ZBTB32: variants seen among roughly 807,000 people sequenced by gnomAD.
The protein encoded by ZBTB32 is zinc finger and BTB domain containing 32, also known as zinc finger and BTB domain-containing protein 32.
Under a neutral mutation model 45.3 loss-of-function variants are expected in ZBTB32, and 28 were observed. The ratio of observed to expected loss-of-function variants is 0.62; its 90% CI spans 0.46 to 0.85. The LOEUF is 0.85. Among genes scored for constraint, ZBTB32 ranks in the 40% least tolerant of loss-of-function variants. The probability of loss-of-function intolerance (pLI) is 0.00; values close to 1 mark genes in which losing one functional copy is unlikely to be tolerated. For missense variants in ZBTB32, 587 were observed against 624.4 expected, an observed-to-expected ratio of 0.94 and a Z score of 0.64; for synonymous variants, 283 against 255.7, an observed-to-expected ratio of 1.11 and a Z score of -1.02.
chr19:35,706,134 A>G (rs1359222515), intron 1 of ZBTB32, among the ~76,000 whole-genome samples: 2 of 151,460 alleles, frequency 1.3e-5, no homozygotes, highest in Non-Finnish European at 2.9e-5. Context: ...AGGCTGAGGC[A>G]GGAGAATCGC....
intron 1 of ZBTB32, among the ~76,000 whole-genome samples, chr19:35,711,997 T>A (rs997168657): frequency 8.0e-6 from 1 of 124,554 alleles, no homozygotes; most frequent in African/African-American, 3.2e-5. Context: ...TGCACTCCAG[T>A]CTGGGAGACA....
Position 35,715,396 on chromosome 19 carries a change from G to A in ZBTB32, c.770G>A (p.Gly257Glu). 1 of 1,611,692 alleles carries A rather than the reference G, an allele frequency of 6.2e-7. No homozygotes were observed. The highest frequency in any genetic ancestry group is 8.5e-7 in the Non-Finnish European group (1 of 1,179,224). The change falls in exon 3 of 7, where the codon GGG becomes GAG. Residue 257 changes from glycine (G) to glutamate (E), a missense_variant. Physicochemically the swap from Gly to Glu is moderately conservative, Grantham distance 98 (BLOSUM62 -2). Transcript: ENST00000392197. Reference protein sequence around the residue: ...PSWAEAPWLVGGQPALWSILL... With the variant: ...PSWAEAPWLVEGQPALWSILL... ...TGGGCTGAGGCCCCTTGGTTGGTGGGGGGCCAGCCTGCCCTGTGGAGCATC... is the reference window on the plus strand; with the variant it reads ...TGGGCTGAGGCCCCTTGGTTGGTGGAGGGCCAGCCTGCCCTGTGGAGCATC...
chr19:35,706,818 C>G (rs1369006825), intron 1 of ZBTB32, among the ~76,000 whole-genome samples: 1 of 152,220 alleles, frequency 6.6e-6, no homozygotes, highest in African/African-American at 2.4e-5. Context: ...TACCTAGTTT[C>G]ATTCAGCTGT....
At chr19:35,711,048 C>T (rs188395506) in intron 1 of ZBTB32, among the ~76,000 whole-genome samples, 2 of 152,120 alleles carry the variant, frequency 1.3e-5, no homozygotes, top group African/African-American at 4.8e-5. Flanking sequence ...TTAGGTTCCC[C>T]GAAAGCCCAC....
rs116844567 is a variant in ZBTB32, at chr19:35,709,567, C to T, written c.-221-3350C>T. Among the ~76,000 whole-genome samples, 1,067 of 152,228 alleles carry T rather than the reference C, an allele frequency of 7.0e-3. 43 individuals carry two copies. In the South Asian group the frequency reaches 0.094, roughly 13 times the overall value. Reference sequence around the variant, plus strand: ...TCCCTTAGTGTCCCATTGGTCAAGTCTACCAGTAAGAATAAGAACTATCAG... The same window carrying T: ...TCCCTTAGTGTCCCATTGGTCAAGTTTACCAGTAAGAATAAGAACTATCAG... On this transcript the variant is annotated intron_variant, in intron 1 of 6. Coordinates refer to ENST00000392197, the MANE Select transcript of ZBTB32 (RefSeq NM_014383.3).
At chr19:35,708,044 T>G (rs192094907) in intron 1 of ZBTB32, among the ~76,000 whole-genome samples, 3 of 152,244 alleles carry the variant, frequency 2.0e-5, no homozygotes, top group African/African-American at 7.2e-5. Flanking sequence ...CCCTAAGAGA[T>G]TTAGAACCAT....
In ZBTB32 at chr19:35,715,205, G is replaced by A. The variant is rs147188001; in HGVS notation, c.579G>A (p.Glu193=). The change falls in exon 3 of 7, where the codon GAG becomes GAA. Residue 193 remains glutamate, a synonymous_variant. Transcript: ENST00000392197. ...AGCAGGAACAGACCAGGTCAAAGGAGAAACGCCTCCAAGCCCCTGTTGGCC... is the reference window on the plus strand; with the variant it reads ...AGCAGGAACAGACCAGGTCAAAGGAAAAACGCCTCCAAGCCCCTGTTGGCC... ...EAQQEQTRSK[E]KRLQAPVGQR... 7.1e-5 allele frequency: 114 copies of A among 1,608,590 alleles called. No individual in the cohort carries two copies. Among genetic ancestry groups the A allele is most frequent in the Non-Finnish European group, 8.8e-5 (104 of 1,178,722 alleles).
In ZBTB32 at chr19:35,716,953, C is replaced by CTG. The variant is rs1248712050; in HGVS notation, c.*202_*203dup. On this transcript the variant is annotated 3_prime_UTR_variant, in exon 7 of 7. Coordinates refer to ENST00000392197, the MANE Select transcript of ZBTB32 (RefSeq NM_014383.3). Reference sequence around the variant, plus strand: ...CAGCGAGCCCTACAGAGTGAGGACACTGAAGTGTGCAGGAGCGAAGGTTAA... The same window carrying CTG: ...CAGCGAGCCCTACAGAGTGAGGACACTGTGAAGTGTGCAGGAGCGAAGGTTAA... 2 of 615,350 alleles carry CTG rather than the reference C, an allele frequency of 3.3e-6. No homozygotes were observed. The highest frequency in any genetic ancestry group is 5.7e-6 in the Non-Finnish European group (2 of 351,060). The allele number at this position is 615,350 out of a possible 1,614,324, so 38.1% of individuals were successfully genotyped here.
Position 35,715,352 on chromosome 19 carries a change from C to A in ZBTB32, c.726C>A (p.Ser242Arg). The change falls in exon 3 of 7, where the codon AGC (serine) becomes AGA (arginine). Residue 242 changes from serine to arginine, a missense_variant. Transcript: ENST00000392197. ...CCCCAGCAGGCTCCCTGCAAACCAG[C>A]GTCACCCCTAGGCCCTCGTGGGCTG... is the stretch of plus-strand genomic sequence containing the variant. Reference protein sequence around the residue: ...PLPPAGSLQTSVTPRPSWAEA... With the variant: ...PLPPAGSLQTRVTPRPSWAEA... 6.2e-7 allele frequency: 1 copy of A among 1,610,500 alleles called. No homozygotes were observed. The highest frequency in any genetic ancestry group is 8.5e-7 in the Non-Finnish European group (1 of 1,178,830).
chr19:35,716,902 C>A lies in ZBTB32; in HGVS notation c.*150C>A. 1 of 897,810 alleles carries A rather than the reference C, an allele frequency of 1.1e-6. No homozygotes were observed. Among genetic ancestry groups the A allele is most frequent in the African/African-American group, 1.7e-5 (1 of 59,376 alleles). The allele number at this position is 897,810 out of a possible 1,614,324, so 55.6% of individuals were successfully genotyped here. On this transcript the variant is annotated 3_prime_UTR_variant, in exon 7 of 7. Coordinates refer to ENST00000392197, the MANE Select transcript of ZBTB32 (RefSeq NM_014383.3). Reference sequence around the variant, plus strand: ...AGGGCGCCGAGTGCCCTCTCCTGGACGATCGCGGGTCGCAGAAGCCCAGGC... The same window carrying A: ...AGGGCGCCGAGTGCCCTCTCCTGGAAGATCGCGGGTCGCAGAAGCCCAGGC...
Position 35,716,116 on chromosome 19 carries a change from C to A in ZBTB32, c.1025-17C>A, listed in dbSNP as rs756898471. 2.3e-5 allele frequency: 37 copies of A among 1,613,022 alleles called. No homozygotes were observed. In the South Asian group the frequency reaches 3.2e-4, roughly 14 times the overall value. Reference sequence around the variant, plus strand: ...GATTCCTGGCCCTGCCCTCCTTTGCCTTCTCTGTCCCCACAGGCGCACTTG... The same window carrying A: ...GATTCCTGGCCCTGCCCTCCTTTGCATTCTCTGTCCCCACAGGCGCACTTG... On this transcript the variant is annotated splice_polypyrimidine_tract_variant and intron_variant, in intron 5 of 6. Transcript: ENST00000392197.
chr19:35,707,369 C>CCT (rs1968571161), intron 1 of ZBTB32, among the ~76,000 whole-genome samples: 1 of 119,672 alleles, frequency 8.4e-6, no homozygotes, highest in Non-Finnish European at 1.7e-5. Context: ...CTACCATTTT[C>CCT]TTTTTTTTTT....
At position 35,716,674 on chromosome 19, in the gene ZBTB32, C is replaced by T; in HGVS notation, c.1386C>T (p.Arg462=). The change falls in exon 7 of 7, where the codon CGC becomes CGT. Residue 462 remains arginine, a synonymous_variant. Transcript: ENST00000392197. ...AACTCCCGCCCGGATGGACCATCCG[C>T]TCCACCTTCCTCTACTCCTCCTCGA... is the stretch of plus-strand genomic sequence containing the variant. The part of the protein sequence containing the change: ...PSQLPPGWTI[R]STFLYSSSRP... 1 of 1,614,076 alleles carries T rather than the reference C, an allele frequency of 6.2e-7. No individual in the cohort carries two copies. The highest frequency in any genetic ancestry group is 8.5e-7 in the Non-Finnish European group (1 of 1,179,988).
intron 1 of ZBTB32, among the ~76,000 whole-genome samples, chr19:35,709,738 G>A (rs1968639257): frequency 6.6e-6 from 1 of 151,936 alleles, no homozygotes; most frequent in South Asian, 2.1e-4. Context: ...AATTAGCCGG[G>A]TTTGGTGATG....
intron 1 of ZBTB32, among the ~76,000 whole-genome samples, chr19:35,705,296 C>T (rs907147376): frequency 3.3e-5 from 5 of 151,276 alleles, no homozygotes; most frequent in South Asian, 2.1e-4. Flanking sequence ...CCAGCCTGGG[C>T]GACAGAATGA....
chr19:35,706,540 G>T (rs1035282651), intron 1 of ZBTB32, among the ~76,000 whole-genome samples: 1 of 152,062 alleles, frequency 6.6e-6, no homozygotes, highest in African/African-American at 2.4e-5. Flanking sequence ...TGGCCAACGT[G>T]GTGAAACCCC....
rs529955729 is a variant in ZBTB32, at chr19:35,711,754, T to G, written c.-221-1163T>G. Among the ~76,000 whole-genome samples, 16 of 152,162 alleles carry G rather than the reference T, an allele frequency of 1.1e-4. No homozygotes were observed. In the South Asian group the frequency reaches 3.1e-3, roughly 30 times the overall value. ...ATCCTTCCCCCTTAAGAGAAGCCTA[T>G]GGGAGGCCGGGCGCAATCCCAGCAC... On this transcript the variant is annotated intron_variant, in intron 1 of 6. Transcript: ENST00000392197.
chr19:35,713,179 C>G (rs983212195), intron 2 of ZBTB32, 146 bp downstream of exon 2: 11 of 152,244 alleles, frequency 7.2e-5, no homozygotes, highest in Non-Finnish European at 1.2e-4. Flanking sequence ...CACAGATACA[C>G]TTCTTTGACT....
chr19:35,716,753 CG>C lies in ZBTB32; in HGVS notation c.*5del. 1 of 1,598,514 alleles carries C rather than the reference CG, an allele frequency of 6.3e-7. No homozygotes were observed. The highest frequency in any genetic ancestry group is 8.6e-7 in the Non-Finnish European group (1 of 1,167,526). ...TTGTCCTTCTTCCTCCACCACCTGACGGGGTGTCGGTAGCGTCTTAGCCAAG... is the reference window on the plus strand; with the variant it reads ...TTGTCCTTCTTCCTCCACCACCTGACGGGTGTCGGTAGCGTCTTAGCCAAG... On this transcript the variant is annotated 3_prime_UTR_variant, in exon 7 of 7. Coordinates refer to ENST00000392197, the MANE Select transcript of ZBTB32 (RefSeq NM_014383.3).
Sources: allele counts gnomAD v4.1 joint callset (sites outside exome capture counted in the v4.1 genomes callset), GRCh38; gene constraint gnomAD v4.1.1; transcripts MANE v1.5; gene names NCBI Gene and HGNC (gene_info 2026-07-23, HGNC 2026-07-21).